ORC3: variants seen among roughly 807,000 people sequenced by gnomAD.
ORC3 encodes the protein homolog of latheo, Drosophila.
ORC3 carries 78 observed loss-of-function variants against 100.7 expected under a neutral mutation model. The ratio of observed to expected loss-of-function variants is 0.77; its 90% CI spans 0.65 to 0.94. The LOEUF (loss-of-function observed/expected upper bound fraction) is 0.94, where lower values mean the gene tolerates loss of function less well. ORC3 is among the 40% of genes least tolerant of loss of function. The pLI, the probability that ORC3 is intolerant of heterozygous loss-of-function variation, is 0.00. For synonymous variants in ORC3, 295 were observed against 289.3 expected, an observed-to-expected ratio of 1.02 and a Z score of -0.20; for missense variants, 789 against 823.9, an observed-to-expected ratio of 0.96 and a Z score of 0.52.
chr6:87,656,580 C>G (rs1177883057), intron 14 of ORC3, among the ~76,000 whole-genome samples: 3 of 151,872 alleles, frequency 2.0e-5, no homozygotes, highest in Admixed American at 6.6e-5. Context: ...GAGCAAGACT[C>G]CATCTGAAAA....
intron 13 of ORC3, among the ~76,000 whole-genome samples, chr6:87,646,424 A>G (rs947875732): frequency 6.6e-6 from 1 of 151,872 alleles, no homozygotes; most frequent in African/African-American, 2.4e-5. Flanking sequence ...TAGTTCTGCT[A>G]TTTTCTTTAC....
At chr6:87,618,333 T>C (rs1779303225) in intron 9 of ORC3, among the ~76,000 whole-genome samples, 2 of 150,532 alleles carry the variant, frequency 1.3e-5, no homozygotes, top group Admixed American at 1.3e-4. Context: ...CACCTAAACC[T>C]GGGAGGTGGA....
At chr6:87,637,339 C>G (rs1767903984) in intron 13 of ORC3, among the ~76,000 whole-genome samples, 1 of 152,166 alleles carries the variant, frequency 6.6e-6, no homozygotes, top group African/African-American at 2.4e-5. Flanking sequence ...TATTAGTGAT[C>G]TAGCAGGTGC....
At chr6:87,613,553 A>T (rs1367213663) in intron 8 of ORC3, among the ~76,000 whole-genome samples, 1 of 152,198 alleles carries the variant, frequency 6.6e-6, no homozygotes, top group East Asian at 1.9e-4. Flanking sequence ...CACAGTCCAA[A>T]GTCTCATCCG....
intron 13 of ORC3, among the ~76,000 whole-genome samples, chr6:87,648,077 T>G (rs1042782077): frequency 1.3e-5 from 2 of 152,172 alleles, no homozygotes; most frequent in African/African-American, 4.8e-5. Flanking sequence ...GGCATGCGCC[T>G]GTAGTCCCAG....
chr6:87,649,139 A>G (rs1347818969), intron 13 of ORC3, among the ~76,000 whole-genome samples: 1 of 152,154 alleles, frequency 6.6e-6, no homozygotes, highest in Non-Finnish European at 1.5e-5. Context: ...TTCTATCTGA[A>G]ATGCATTTTT....
chr6:87,668,914 C>T (rs1770772500), downstream of ORC3, among the ~76,000 whole-genome samples: 1 of 151,924 alleles, frequency 6.6e-6, no homozygotes, highest in Non-Finnish European at 1.5e-5. Flanking sequence ...ACCTGGGAGG[C>T]GGAGGTTGCA....
chr6:87,612,244 A>C lies in ORC3; in HGVS notation c.869A>C (p.Asp290Ala), dbSNP rs1336327096. 1 of 1,598,532 alleles carries C rather than the reference A, an allele frequency of 6.3e-7. No individual in the cohort carries two copies. The highest frequency in any genetic ancestry group is 1.8e-5 in the Admixed American group (1 of 56,040). Residue 290 changes from aspartate (D) to alanine (A), a missense_variant, in exon 8 of 20, where the codon GAT (aspartate) becomes GCT (alanine). Physicochemically the swap from Asp to Ala is moderately radical, Grantham distance 126 (BLOSUM62 -2). Transcript: ENST00000392844. ...SCKEHLTTVLDKLLLTTQFPF... is the reference protein window; with the variant it reads ...SCKEHLTTVLAKLLLTTQFPF... Reference sequence around the variant, plus strand: ...AAGGAGCACCTGACTACGGTACTCGATAAGGTAAAAAGAATAAGTTTTACC... The same window carrying C: ...AAGGAGCACCTGACTACGGTACTCGCTAAGGTAAAAAGAATAAGTTTTACC...
At chr6:87,617,248 A>G (rs1562339114) in intron 9 of ORC3, among the ~76,000 whole-genome samples, 1 of 152,220 alleles carries the variant, frequency 6.6e-6, no homozygotes, top group Non-Finnish European at 1.5e-5. Flanking sequence ...GTATTCTGAT[A>G]CATTGGGAAT....
Position 87,653,114 on chromosome 6 carries a change from A to G in ORC3, c.1383-2A>G. The G allele has an allele frequency of 6.2e-7, 1 of 1,610,506 alleles. No individual in the cohort carries two copies. The highest frequency in any genetic ancestry group is 8.5e-7 in the Non-Finnish European group (1 of 1,177,494). ...CATTTCCTGTCACTGACTCTGTTCTAGGATGTTGGCAAAGGATGAACTGAT... is the reference window on the plus strand; with the variant it reads ...CATTTCCTGTCACTGACTCTGTTCTGGGATGTTGGCAAAGGATGAACTGAT... On this transcript the variant is annotated splice_acceptor_variant, in intron 13 of 19. Transcript: ENST00000392844. LOFTEE classifies it high-confidence loss of function.
chr6:87,593,083 A>G (rs761619434), intron 1 of ORC3, among the ~76,000 whole-genome samples: 2 of 152,052 alleles, frequency 1.3e-5, no homozygotes, highest in Non-Finnish European at 2.9e-5. Flanking sequence ...ACAGAGCGAG[A>G]CTCTGTCTCA....
intron 1 of ORC3, among the ~76,000 whole-genome samples, chr6:87,593,729 C>G (rs190418355): frequency 5.3e-5 from 8 of 152,374 alleles, no homozygotes; most frequent in Admixed American, 3.9e-4. Context: ...GAGCTTCGCT[C>G]TTTGTTGCCC....
chr6:87,629,229 A>G (rs1281843370), intron 11 of ORC3, among the ~76,000 whole-genome samples: 1 of 152,200 alleles, frequency 6.6e-6, no homozygotes, highest in African/African-American at 2.4e-5. Context: ...TAGACAGCTG[A>G]TATCTCTTAA....
At chr6:87,600,571 A>G (rs1226720196) in intron 2 of ORC3, among the ~76,000 whole-genome samples, 1 of 152,234 alleles carries the variant, frequency 6.6e-6, no homozygotes, top group Non-Finnish European at 1.5e-5. Flanking sequence ...TAAAATGTAC[A>G]ACATACAAAG....
intron 16 of ORC3, among the ~76,000 whole-genome samples, chr6:87,659,256 G>A (rs567026126): frequency 1.3e-3 from 197 of 151,714 alleles, no homozygotes; most frequent in Non-Finnish European, 2.2e-3. Flanking sequence ...TAGAGACGGG[G>A]TTTCACCATG....
chr6:87,597,846 G>T (rs972815189), intron 2 of ORC3, among the ~76,000 whole-genome samples: 3 of 151,212 alleles, frequency 2.0e-5, no homozygotes, highest in African/African-American at 7.3e-5. Flanking sequence ...GAGTCACCAT[G>T]CCTGGCCACA....
chr6:87,663,039 T>C lies in ORC3; in HGVS notation c.1728T>C (p.His576=). The C allele has an allele frequency of 1.2e-6, 2 of 1,610,462 alleles. No individual in the cohort carries two copies. Among genetic ancestry groups the C allele is most frequent in the Non-Finnish European group, 1.7e-6 (2 of 1,177,100 alleles). ...TGCCTCCTGAGACACAGCCTCTCCATGAGGTGGTGTACTTCAGTGCTGCCC... is the reference window on the plus strand; with the variant it reads ...TGCCTCCTGAGACACAGCCTCTCCACGAGGTGGTGTACTTCAGTGCTGCCC... ...YLLPPETQPL[H]EVVYFSAAHA... The change falls in exon 17 of 20, where the codon CAT becomes CAC. Residue 576 remains histidine (H), a synonymous_variant. Coordinates refer to ENST00000392844, the MANE Select transcript of ORC3 (RefSeq NM_012381.4).
At chr6:87,659,019 G>T (rs1769950338) in intron 16 of ORC3, among the ~76,000 whole-genome samples, 1 of 141,166 alleles carries the variant, frequency 7.1e-6, no homozygotes, top group Non-Finnish European at 1.6e-5. Flanking sequence ...CTAAAAAGTG[G>T]GGCGGGGGGG....
chr6:87,617,474 C>A (rs936699174), intron 9 of ORC3, among the ~76,000 whole-genome samples: 2 of 152,074 alleles, frequency 1.3e-5, no homozygotes, highest in African/African-American at 4.8e-5. Flanking sequence ...GTGGCTCATG[C>A]GTATAATCCC....
Sources: allele counts gnomAD v4.1 joint callset (sites outside exome capture counted in the v4.1 genomes callset), GRCh38; gene constraint gnomAD v4.1.1; transcripts MANE v1.5; gene names NCBI Gene and HGNC (gene_info 2026-07-23, HGNC 2026-07-21).